The following C16orf92 variants were observed in gnomAD, a reference collection of about 807,000 sequenced individuals.
C16orf92 encodes fertilization-influencing membrane protein 1.
In C16orf92, 14 loss-of-function variants were observed where a neutral mutation model predicts 13.7. The observed-to-expected ratio is 1.02, with a 90% CI of 0.67 to 1.60. C16orf92 has a LOEUF of 1.60. C16orf92 is among the 40% of genes most tolerant of loss of function. C16orf92 has a pLI of 0.00. For missense variants in C16orf92, 116 were observed against 139.0 expected, an observed-to-expected ratio of 0.83 and a Z score of 0.83; for synonymous variants, 50 against 57.4, an observed-to-expected ratio of 0.87 and a Z score of 0.58.
chr16:30,026,945 G>C (rs1388074357), downstream of C16orf92: 11 of 993,580 alleles, frequency 1.1e-5, 1 homozygote, highest in East Asian at 2.8e-4. Flanking sequence ...GACAGGAGCG[G>C]AGTCTTGGGT....
downstream of C16orf92, chr16:30,027,262 G>A: frequency 2.3e-6 from 1 of 434,126 alleles, no homozygotes; most frequent in Non-Finnish European, 4.7e-6. Flanking sequence ...GGAGAGAGAG[G>A]TCACAGGGGT....
In C16orf92 at chr16:30,024,016, T is replaced by A; in HGVS notation, c.241T>A (p.Phe81Ile). The A allele has an allele frequency of 1.2e-6, 2 of 1,613,960 alleles. No homozygotes were observed. Among genetic ancestry groups the A allele is most frequent in the South Asian group, 1.1e-5 (1 of 91,080 alleles). ...TCTAGCAGGTTCCAGCCCCGGGCTCTTCCATCACATCCTGGTGGGCTTGCT... is the reference window on the plus strand; with the variant it reads ...TCTAGCAGGTTCCAGCCCCGGGCTCATCCATCACATCCTGGTGGGCTTGCT... ...FINSGSSPGLFHHILVGLLVV... is the reference protein window; with the variant it reads ...FINSGSSPGLIHHILVGLLVV... Residue 81 changes from phenylalanine to isoleucine, a missense_variant, in exon 3 of 4, where the codon TTC becomes ATC. Coordinates refer to ENST00000681219, the MANE Select transcript of C16orf92 (RefSeq NM_001109659.2).
downstream of C16orf92, chr16:30,027,483 C>T: frequency 2.3e-6 from 1 of 437,774 alleles, no homozygotes; most frequent in Non-Finnish European, 4.7e-6. Flanking sequence ...TCCCCACCAT[C>T]CCCAGAAGAT....
downstream of C16orf92, among the ~76,000 whole-genome samples, chr16:30,027,446 G>A (rs534639094): frequency 9.7e-4 from 147 of 152,322 alleles, no homozygotes; most frequent in Non-Finnish European, 1.5e-3. Flanking sequence ...GGACATGGGC[G>A]GTGTGGCTCC....
rs200197154 is a variant in C16orf92, at chr16:30,024,233, C to T, written c.*6C>T. 3.7e-4 allele frequency: 595 copies of T among 1,613,836 alleles called. 5 individuals are homozygous for T. In the South Asian group the frequency reaches 5.3e-3, roughly 14 times the overall value. ...ACTTCCAGAAAGGGGCCTAAAGAGCCGGACAAGGGCTCTGGACTCAACCTG... is the reference window on the plus strand; with the variant it reads ...ACTTCCAGAAAGGGGCCTAAAGAGCTGGACAAGGGCTCTGGACTCAACCTG... On this transcript the variant is annotated 3_prime_UTR_variant, in exon 4 of 4. Coordinates refer to ENST00000681219, the MANE Select transcript of C16orf92 (RefSeq NM_001109659.2).
downstream of C16orf92, chr16:30,025,826 GCA>G (rs1194319891): frequency 1.2e-6 from 2 of 1,611,994 alleles, no homozygotes; most frequent in East Asian, 2.2e-5. The surrounding 1 kb of genome is among the most constrained non-coding windows in gnomAD (Gnocchi z 4.1). Context: ...CCACACCTGG[GCA>G]CAGAGGCAGG....
At position 30,023,386 on chromosome 16, in the gene C16orf92, C is replaced by T. The variant is rs1197838543; in HGVS notation, c.46C>T (p.Leu16=). The T allele has an allele frequency of 3.1e-6, 5 of 1,611,356 alleles. 1 individual carries two copies. The South Asian group carries it at 3.3e-5, about 11-fold the overall frequency. Residue 16 remains leucine, a synonymous_variant, in exon 1 of 4, where the codon CTA becomes TTA. Coordinates refer to ENST00000681219, the MANE Select transcript of C16orf92 (RefSeq NM_001109659.2). ...GCTGGTGTGGGTGTGGCTGGCTGCA[C>T]TAGGGGCCATAGAAACTGGTAAGAA... ...WVLVWVWLAA[L]GAIETAPRPK...
chr16:30,023,777 C>A lies in C16orf92; in HGVS notation c.115C>A (p.Arg39Ser), dbSNP rs372957737. The A allele has an allele frequency of 1.9e-6, 3 of 1,614,064 alleles. No homozygotes were observed. Among genetic ancestry groups the A allele is most frequent in the Non-Finnish European group, 1.7e-6 (2 of 1,179,932 alleles). ...TASALGTESPRFLDRPDFFDY... is the reference protein window; with the variant it reads ...TASALGTESPSFLDRPDFFDY... ...GTCAGCCCTGGGGACAGAGTCTCCG[C>A]GCTTCTTAGACAGACCTGACTTCTT... Residue 39 changes from arginine to serine, a missense_variant, in exon 2 of 4, where the codon CGC becomes AGC. Arg to Ser is a moderately radical substitution (Grantham distance 110, BLOSUM62 -1). Transcript: ENST00000681219.
chr16:30,025,356 G>A (rs2150972114), downstream of C16orf92: 1 of 1,596,544 alleles, frequency 6.3e-7, no homozygotes, highest in Middle Eastern at 1.7e-4. This position sits in a 1 kb window ranked among gnomAD's most constrained non-coding sequence, Gnocchi z 4.1. Flanking sequence ...AGGCCGGCAT[G>A]GCGCCCGTAG....
chr16:30,025,041 G>A (rs2071040413), downstream of C16orf92: 1 of 586,580 alleles, frequency 1.7e-6, no homozygotes, highest in Admixed American at 3.6e-5. The surrounding 1 kb of genome is among the most constrained non-coding windows in gnomAD (Gnocchi z 4.1). Flanking sequence ...CCGAGAGATG[G>A]GGCCTCTTCC....
rs753662753 is a variant in C16orf92 at position 30,023,804 on chromosome 16, G to A, written c.142G>A (p.Asp48Asn). 31 of 1,614,024 alleles carry A rather than the reference G, an allele frequency of 1.9e-5. No homozygotes were observed. Among genetic ancestry groups the A allele is most frequent in the African/African-American group, 8.0e-5 (6 of 74,920 alleles). The stretch of plus-strand genomic sequence containing the variant: ...CTTCTTAGACAGACCTGACTTCTTC[G>A]ATTATCCGGACTCAGACCAAGCCAG... ...PRFLDRPDFFDYPDSDQARLL... is the reference protein window; with the variant it reads ...PRFLDRPDFFNYPDSDQARLL... Residue 48 changes from aspartate to asparagine, a missense_variant, in exon 2 of 4, where the codon GAT becomes AAT. By Grantham distance (23) the Asp-to-Asn change is conservative. Transcript: ENST00000681219.
At chr16:30,023,517 T>G in intron 1 of C16orf92, 113 bp downstream of exon 1, 1 of 1,383,576 alleles carries the variant, frequency 7.2e-7, no homozygotes, top group South Asian at 1.2e-5. Context: ...TTCTCTCCAC[T>G]CTTCTCTCCC....
At chr16:30,027,670 T>A, downstream of C16orf92, 1 of 455,700 alleles carries the variant, frequency 2.2e-6, no homozygotes, top group African/African-American at 2.0e-5. Context: ...TTCCATGTAC[T>A]TGGAGAGTAA....
Position 30,024,516 on chromosome 16 carries a change from C to G in C16orf92, c.*289C>G. On this transcript the variant is annotated 3_prime_UTR_variant, in exon 4 of 4. Transcript: ENST00000681219. Reference sequence around the variant, plus strand: ...CAGATTGGAGGAAGCCTTGAGAGGTCAGTAGCACCAGGGACATGGCAGGGC... The same window carrying G: ...CAGATTGGAGGAAGCCTTGAGAGGTGAGTAGCACCAGGGACATGGCAGGGC... The G allele has an allele frequency of 2.0e-6, 1 of 504,436 alleles. No homozygotes were observed. Among genetic ancestry groups the G allele is most frequent in the Non-Finnish European group, 3.5e-6 (1 of 282,848 alleles). The allele number at this position is 504,436 out of a possible 1,614,324, so 31.2% of individuals were successfully genotyped here.
chr16:30,026,699 C>T (rs373625205), downstream of C16orf92: 32 of 1,613,878 alleles, frequency 2.0e-5, 1 homozygote, highest in Non-Finnish European at 2.4e-5. Context: ...CTATGGCCCA[C>T]GTGCTGCCCG....
chr16:30,025,339 C>G, downstream of C16orf92: 2 of 1,584,424 alleles, frequency 1.3e-6, no homozygotes, highest in Non-Finnish European at 1.7e-6. This position sits in a 1 kb window ranked among gnomAD's most constrained non-coding sequence, Gnocchi z 4.1. Context: ...GCACGGCCAG[C>G]AGGGGCAGGC....
At chr16:30,027,089 A>G (rs1313755258), downstream of C16orf92, 1 of 622,572 alleles carries the variant, frequency 1.6e-6, no homozygotes, top group Non-Finnish European at 3.0e-6. Context: ...TCTCTGCAGT[A>G]TAGTCGGGGG....
downstream of C16orf92, chr16:30,025,704 G>C (rs771806327): frequency 3.1e-6 from 5 of 1,611,682 alleles, no homozygotes; most frequent in South Asian, 5.5e-5. The surrounding 1 kb of genome is among the most constrained non-coding windows in gnomAD (Gnocchi z 4.1). Context: ...TTGGGCTCCT[G>C]CACCCTCCCA....
downstream of C16orf92, chr16:30,026,691 A>G: frequency 6.2e-7 from 1 of 1,613,904 alleles, no homozygotes; most frequent in Non-Finnish European, 8.5e-7. Flanking sequence ...GCCACGCGCT[A>G]TGGCCCACGT....
Sources: allele counts gnomAD v4.1 joint callset (sites outside exome capture counted in the v4.1 genomes callset), GRCh38; gene constraint gnomAD v4.1.1; non-coding constraint Gnocchi (gnomAD v3.1); transcripts MANE v1.5; gene names NCBI Gene and HGNC (gene_info 2026-07-23, HGNC 2026-07-21).